The following LYPD6B variants were observed in gnomAD, a reference collection of about 807,000 sequenced individuals.
LYPD6B encodes ly6/PLAUR domain-containing protein 6B.
LYPD6B carries 17 observed loss-of-function variants against 22.8 expected under a neutral mutation model. The observed-to-expected ratio is 0.75, with a 90% CI of 0.51 to 1.12. The LOEUF is 1.12. LYPD6B is among the 50% of genes most tolerant of loss of function. The pLI is 0.00. For missense variants in LYPD6B, 221 were observed against 258.3 expected, an observed-to-expected ratio of 0.86 and a Z score of 0.99; for synonymous variants, 106 against 91.6, an observed-to-expected ratio of 1.16 and a Z score of -0.90.
At chr2:149,196,809 T>C (rs372438125) in intron 3 of LYPD6B, among the ~76,000 whole-genome samples, 2 of 152,250 alleles carry the variant, frequency 1.3e-5, no homozygotes, top group African/African-American at 2.4e-5. Flanking sequence ...ATTTTTACGA[T>C]CATTTTTCTA....
chr2:149,201,440 C>T (rs1189841712), intron 3 of LYPD6B, among the ~76,000 whole-genome samples: 1 of 152,214 alleles, frequency 6.6e-6, no homozygotes. Flanking sequence ...TGAAAGCCTA[C>T]TCAGCAAAGT....
chr2:149,122,376 C>A (rs1212450141), intron 1 of LYPD6B, among the ~76,000 whole-genome samples: 1 of 151,774 alleles, frequency 6.6e-6, no homozygotes, highest in Non-Finnish European at 1.5e-5. Flanking sequence ...AGGCATGTTT[C>A]TCATTTCTTT....
At chr2:149,179,031 G>A (rs540548281) in intron 3 of LYPD6B, among the ~76,000 whole-genome samples, 3 of 152,328 alleles carry the variant, frequency 2.0e-5, no homozygotes, top group Admixed American at 2.0e-4. Context: ...TGGGAGTGGG[G>A]AAAGAAAGTC....
intron 3 of LYPD6B, among the ~76,000 whole-genome samples, chr2:149,180,238 C>G (rs1199955218): frequency 6.6e-6 from 1 of 152,148 alleles, no homozygotes; most frequent in African/African-American, 2.4e-5. Flanking sequence ...TTACTAGGGG[C>G]TCTACTGGGT....
intron 3 of LYPD6B, among the ~76,000 whole-genome samples, chr2:149,197,845 G>A (rs993709192): frequency 2.0e-5 from 3 of 152,060 alleles, no homozygotes; most frequent in Non-Finnish European, 2.9e-5. Context: ...CTTGGCATAA[G>A]CCTCCTAAAA....
chr2:149,094,338 A>G (rs2105454275), intron 1 of LYPD6B, among the ~76,000 whole-genome samples: 1 of 152,352 alleles, frequency 6.6e-6, no homozygotes, highest in South Asian at 2.1e-4. Context: ...AAGCCTTGTA[A>G]CTTAGTTTCT....
At chr2:149,084,609 G>A (rs983524646) in intron 1 of LYPD6B, among the ~76,000 whole-genome samples, 1 of 152,170 alleles carries the variant, frequency 6.6e-6, no homozygotes, top group Non-Finnish European at 1.5e-5. Flanking sequence ...TAGATGCCAG[G>A]TAGGCTTGTT....
At chr2:149,127,139 T>G (rs552170059) in intron 1 of LYPD6B, among the ~76,000 whole-genome samples, 5 of 151,676 alleles carry the variant, frequency 3.3e-5, no homozygotes, top group Admixed American at 6.6e-5. Flanking sequence ...CATATTTTAT[T>G]ATATGAAATA....
chr2:149,059,587 G>A (rs984107550), intron 1 of LYPD6B, among the ~76,000 whole-genome samples: 9 of 152,220 alleles, frequency 5.9e-5, no homozygotes, highest in Non-Finnish European at 7.3e-5. Flanking sequence ...TCCTGTCTCC[G>A]TATCCATTTC....
At chr2:149,171,120 G>T (rs1209320686) in intron 3 of LYPD6B, among the ~76,000 whole-genome samples, 1 of 152,130 alleles carries the variant, frequency 6.6e-6, no homozygotes, top group Non-Finnish European at 1.5e-5. Context: ...CAGCCACTCT[G>T]GGACTCTCAG....
intron 1 of LYPD6B, among the ~76,000 whole-genome samples, chr2:149,053,324 C>A: frequency 6.6e-6 from 1 of 152,222 alleles, no homozygotes; most frequent in Non-Finnish European, 1.5e-5. Context: ...AATGAATGTA[C>A]CATAAATAGC....
intron 2 of LYPD6B, chr2:149,131,212 C>T (rs1688009074): frequency 9.3e-6 from 4 of 431,938 alleles, no homozygotes; most frequent in East Asian, 7.8e-5. Context: ...AAGGTAGCTG[C>T]TGATCTTAAT....
At chr2:149,079,594 G>A (rs561761263) in intron 1 of LYPD6B, among the ~76,000 whole-genome samples, 1 of 152,280 alleles carries the variant, frequency 6.6e-6, no homozygotes, top group Admixed American at 6.5e-5. Flanking sequence ...TTATTAAAAT[G>A]CCATTTCTAT....
At chr2:149,115,065 A>G (rs1330187047) in intron 1 of LYPD6B, among the ~76,000 whole-genome samples, 5 of 152,070 alleles carry the variant, frequency 3.3e-5, no homozygotes, top group Non-Finnish European at 7.4e-5. Context: ...CAGCCTCCCA[A>G]GCGTCTGGGA....
chr2:149,090,922 C>G (rs180888487), intron 1 of LYPD6B, among the ~76,000 whole-genome samples: 1 of 152,214 alleles, frequency 6.6e-6, no homozygotes, highest in South Asian at 2.1e-4. Flanking sequence ...CACATGCACA[C>G]TTTTCCCATG....
At chr2:149,168,246 C>A (rs185693255) in intron 3 of LYPD6B, among the ~76,000 whole-genome samples, 83 of 148,428 alleles carry the variant, frequency 5.6e-4, no homozygotes, top group African/African-American at 1.9e-3. Flanking sequence ...GAACCTTGCT[C>A]TAGGCTGGTT....
chr2:149,192,419 C>CTTTTT (rs11369954), intron 3 of LYPD6B, among the ~76,000 whole-genome samples: 5 of 125,208 alleles, frequency 4.0e-5, no homozygotes, highest in African/African-American at 1.5e-4. Flanking sequence ...AGGGGCAAGT[C>CTTTTT]TTTTTTTTTT....
intron 3 of LYPD6B, among the ~76,000 whole-genome samples, chr2:149,181,729 T>C (rs1219097590): frequency 1.3e-5 from 2 of 152,218 alleles, no homozygotes; most frequent in African/African-American, 2.4e-5. Flanking sequence ...TTCCTTCTAA[T>C]ACATAATCCA....
chr2:149,204,212 A>T (rs1693356897), intron 3 of LYPD6B, among the ~76,000 whole-genome samples: 1 of 152,184 alleles, frequency 6.6e-6, no homozygotes, highest in Non-Finnish European at 1.5e-5. Context: ...GGTATTATTA[A>T]GCCACATTAC....
Sources: gnomAD v4.1 joint callset for allele counts (sites outside exome capture counted in the v4.1 genomes callset) on GRCh38, gnomAD v4.1.1 for gene constraint, MANE v1.5 for transcripts, NCBI Gene and HGNC (gene_info 2026-07-23, HGNC 2026-07-21) for gene names.